GALNT6: variants seen among roughly 807,000 people sequenced by gnomAD.
The protein encoded by GALNT6 is GalNAc transferase 6.
Under a neutral mutation model 65.9 loss-of-function variants are expected in GALNT6, and 51 were observed. The ratio of observed to expected loss-of-function variants is 0.77; its 90% CI spans 0.62 to 0.98. GALNT6 has a LOEUF of 0.98. Among genes scored for constraint, GALNT6 ranks in the 50% least tolerant of loss-of-function variants. The probability of loss-of-function intolerance (pLI) is 0.00; values close to 1 mark genes in which losing one functional copy is unlikely to be tolerated. For synonymous variants in GALNT6, 323 were observed against 315.1 expected, an observed-to-expected ratio of 1.02 and a Z score of -0.26; for missense variants, 708 against 803.3, an observed-to-expected ratio of 0.88 and a Z score of 1.43.
At chr12:51,354,642 A>C in intron 11 of GALNT6, 150 bp from the exon 12 acceptor site, 654 of 588,752 alleles carry the variant, frequency 1.1e-3, no homozygotes, top group East Asian at 2.3e-3. Flanking sequence ...CTGCCCTCTC[A>C]TGAGACACAT....
intron 6 of GALNT6, 32 bp from the exon 7 acceptor site, chr12:51,360,870 T>C: frequency 6.9e-7 from 1 of 1,458,196 alleles, no homozygotes; most frequent in South Asian, 1.1e-5. Context: ...TGTGTGCATC[T>C]TCTGGGAGAG....
At chr12:51,362,378 GCT>G (rs1267214308) in intron 6 of GALNT6, among the ~76,000 whole-genome samples, 3 of 152,102 alleles carry the variant, frequency 2.0e-5, no homozygotes, top group Non-Finnish European at 4.4e-5. Context: ...CTCCTCTTAG[GCT>G]CTGGTTGGCT....
chr12:51,364,252 A>C lies in GALNT6; in HGVS notation c.918T>G (p.Phe306Leu). ...PDIVTIDLNT[F>L]EFAKPVQRGR... is the part of the protein sequence containing the mutation. Reference sequence around the variant, plus strand: ...CCCTCTGGACGGGCTTGGCGAACTCAAAAGTATTAAGGTCGATGGTGACGA... The same window carrying C: ...CCCTCTGGACGGGCTTGGCGAACTCCAAAGTATTAAGGTCGATGGTGACGA... Residue 306 changes from phenylalanine to leucine, a missense_variant, in exon 6 of 12, where the codon TTT (phenylalanine) becomes TTG (leucine). Coordinates refer to ENST00000356317, the MANE Select transcript of GALNT6 (RefSeq NM_007210.4). 3 of 1,614,080 alleles carry C rather than the reference A, an allele frequency of 1.9e-6. No homozygotes were observed. The highest frequency in any genetic ancestry group is 2.5e-6 in the Non-Finnish European group (3 of 1,179,938).
chr12:51,352,570 G>C lies in GALNT6; in HGVS notation c.*1809C>G, dbSNP rs555963541. The C allele has an allele frequency of 3.3e-5, 5 of 152,272 alleles. No individual in the cohort carries two copies. The highest frequency in any genetic ancestry group is 3.3e-4 in the Admixed American group (5 of 15,298). The allele number at this position is 152,272 out of a possible 1,614,324, so 9.4% of individuals were successfully genotyped here. ...TATGGGGCTTAGAAAAAAGGGTTCT[G>C]GGACAAACCTGAGAATCACTGGCTC... On this transcript the variant is annotated 3_prime_UTR_variant, in exon 12 of 12. Coordinates refer to ENST00000356317, the MANE Select transcript of GALNT6 (RefSeq NM_007210.4).
chr12:51,378,970 G>T (rs1322526087), intron 3 of GALNT6, among the ~76,000 whole-genome samples: 1 of 150,936 alleles, frequency 6.6e-6, no homozygotes, highest in East Asian at 2.0e-4. Context: ...CCACAGCTTG[G>T]TATCAGGTCT....
At chr12:51,388,103 C>T (rs967347679) in intron 2 of GALNT6, among the ~76,000 whole-genome samples, 4 of 152,294 alleles carry the variant, frequency 2.6e-5, no homozygotes, top group East Asian at 3.9e-4. Flanking sequence ...TCAGACAGGT[C>T]GTTTTTAATC....
At chr12:51,371,578 A>C (rs1266227015) in intron 4 of GALNT6, among the ~76,000 whole-genome samples, 1 of 151,942 alleles carries the variant, frequency 6.6e-6, no homozygotes, top group Admixed American at 6.6e-5. Flanking sequence ...TCACTAACCC[A>C]TTGCCCTGCA....
rs1946620549 is a variant in GALNT6 at position 51,351,893 on chromosome 12, C to T, written c.*2486G>A. 1 of 151,546 alleles carries T rather than the reference C, an allele frequency of 6.6e-6. No individual in the cohort carries two copies. The highest frequency in any genetic ancestry group is 1.5e-5 in the Non-Finnish European group (1 of 67,822). The allele number at this position is 151,546 out of a possible 1,614,324, so 9.4% of individuals were successfully genotyped here. A position where few individuals can be genotyped will look rare whatever the true frequency, so the allele number is the denominator to read the frequency against. On this transcript the variant is annotated 3_prime_UTR_variant, in exon 12 of 12. Transcript: ENST00000356317. ...AGTTTCCTTGACCAATGCCAGAAAA[C>T]CTTTATTTCCACTGAGACCTCTCAT...
intron 5 of GALNT6, among the ~76,000 whole-genome samples, chr12:51,364,631 G>A (rs1243467858): frequency 6.6e-6 from 1 of 152,248 alleles, no homozygotes. Context: ...GGGAGGCCCT[G>A]GATGGTATCT....
At position 51,364,186 on chromosome 12, in the gene GALNT6, G is replaced by A. The variant is rs1165663531; in HGVS notation, c.984C>T (p.Thr328=). 6.2e-7 allele frequency: 1 copy of A among 1,614,174 alleles called. No homozygotes were observed. Among genetic ancestry groups the A allele is most frequent in the Admixed American group, 1.7e-5 (1 of 60,022 alleles). The stretch of plus-strand genomic sequence containing the variant: ...GTGGAGGAAGTGTTTCCCAGCCGAA[G>A]GTCAGGCTCCAGTCAAAGTTGCCTC... ...HSRGNFDWSL[T]FGWETLPPHE... The change falls in exon 6 of 12, where the codon ACC becomes ACT. Residue 328 remains threonine (T), a synonymous_variant. Coordinates refer to ENST00000356317, the MANE Select transcript of GALNT6 (RefSeq NM_007210.4).
chr12:51,383,722 C>G (rs1264572735), intron 2 of GALNT6: 1 of 152,174 alleles, frequency 6.6e-6, no homozygotes, highest in Non-Finnish European at 1.5e-5. Context: ...AATGAGACAC[C>G]TGGGATTAGC....
intron 4 of GALNT6, among the ~76,000 whole-genome samples, chr12:51,368,426 A>T (rs1257122134): frequency 1.4e-5 from 2 of 141,352 alleles, no homozygotes; most frequent in Admixed American, 7.4e-5. Context: ...TTTTTTGGAG[A>T]CAGAGTCTTA....
At chr12:51,373,714 T>C (rs1947362759) in intron 4 of GALNT6, among the ~76,000 whole-genome samples, 2 of 152,144 alleles carry the variant, frequency 1.3e-5, no homozygotes, top group Non-Finnish European at 2.9e-5. Flanking sequence ...ACCTTTCCAT[T>C]GCTACAAAGA....
At position 51,379,469 on chromosome 12, in the gene GALNT6, G is replaced by A. The variant is rs141617550; in HGVS notation, c.313C>T (p.Arg105Trp). 218 of 1,613,964 alleles carry A rather than the reference G, an allele frequency of 1.4e-4. No individual in the cohort carries two copies. The highest frequency in any genetic ancestry group is 7.6e-5 in the Non-Finnish European group (90 of 1,179,952). ...GGGGCATTGGGGTCCTGTGGTGGCC[G>A]TTCCCAGAAGGGCTTCAGTTCAGCT... ...TPAELKPFWE[R>W]PPQDPNAPGA... The change falls in exon 3 of 12, where the codon CGG becomes TGG. Residue 105 changes from arginine to tryptophan, a missense_variant. Coordinates refer to ENST00000356317, the MANE Select transcript of GALNT6 (RefSeq NM_007210.4).
At position 51,379,770 on chromosome 12, in the gene GALNT6, G is replaced by C; in HGVS notation, c.12C>G (p.Leu4=). 6.2e-7 allele frequency: 1 copy of C among 1,605,760 alleles called. No homozygotes were observed. The highest frequency in any genetic ancestry group is 8.5e-7 in the Non-Finnish European group (1 of 1,178,536). MRL[L]RRRHMPLRLA... ...GGCGCAGGGGCATGTGGCGTCTGCGGAGGAGCCTCATCCTCCAGAACCAAG... is the reference window on the plus strand; with the variant it reads ...GGCGCAGGGGCATGTGGCGTCTGCGCAGGAGCCTCATCCTCCAGAACCAAG... Residue 4 remains leucine (L), a synonymous_variant, in exon 3 of 12, where the codon CTC becomes CTG. Transcript: ENST00000356317.
rs1293380151 is a variant in GALNT6, at chr12:51,377,340, G to C, written c.519C>G (p.Cys173Trp). ...PECVDQKFRR[C>W]PPLATTSVII... is the part of the protein sequence containing the mutation. ...TCACGCTGGTGGTGGCCAGTGGGGGGCAGCGCCGGAACTTCTGGTCCACAC... is the reference window on the plus strand; with the variant it reads ...TCACGCTGGTGGTGGCCAGTGGGGGCCAGCGCCGGAACTTCTGGTCCACAC... Residue 173 changes from cysteine to tryptophan, a missense_variant, in exon 4 of 12, where the codon TGC becomes TGG. By Grantham distance (215) the Cys-to-Trp change is radical. Coordinates refer to ENST00000356317, the MANE Select transcript of GALNT6 (RefSeq NM_007210.4). 6.2e-7 allele frequency: 1 copy of C among 1,612,658 alleles called. No homozygotes were observed. Among genetic ancestry groups the C allele is most frequent in the Admixed American group, 1.7e-5 (1 of 60,026 alleles).
At chr12:51,383,505 G>T (rs1316859385) in intron 2 of GALNT6, 3 of 152,170 alleles carry the variant, frequency 2.0e-5, no homozygotes, top group Non-Finnish European at 4.4e-5. Context: ...GAATCACCTA[G>T]GTTACTCCAA....
chr12:51,385,935 A>G (rs914106476), intron 2 of GALNT6, among the ~76,000 whole-genome samples: 8 of 152,172 alleles, frequency 5.3e-5, no homozygotes, highest in Admixed American at 4.6e-4. Context: ...CCCAGGCTCA[A>G]ACAATCCTCC....
At chr12:51,366,206 C>A (rs1947099443) in intron 4 of GALNT6, among the ~76,000 whole-genome samples, 1 of 152,226 alleles carries the variant, frequency 6.6e-6, no homozygotes, top group East Asian at 1.9e-4. Context: ...GCATGAGCCA[C>A]CACGCCCGGC....
Sources: allele counts gnomAD v4.1 joint callset (sites outside exome capture counted in the v4.1 genomes callset), GRCh38; gene constraint gnomAD v4.1.1; transcripts MANE v1.5; gene names NCBI Gene and HGNC (gene_info 2026-07-23, HGNC 2026-07-21).